TBC1D23: variants seen among roughly 807,000 people sequenced by gnomAD.
TBC1D23 encodes the protein TBC1 domain family member 23.
Under a neutral mutation model 91.4 loss-of-function variants are expected in TBC1D23, and 55 were observed. The observed-to-expected ratio is 0.60, with a 90% CI of 0.48 to 0.75. The LOEUF (loss-of-function observed/expected upper bound fraction) is 0.75, where lower values mean the gene tolerates loss of function less well. Ranked by LOEUF, TBC1D23 falls within the 30% of genes least tolerant of loss-of-function variation. The pLI is 0.00. For missense variants in TBC1D23, 725 were observed against 836.1 expected (o/e 0.87, Z 1.64); for synonymous variants, 289 against 281.0 (o/e 1.03, Z -0.28).
intron 2 of TBC1D23, among the ~76,000 whole-genome samples, chr3:100,280,847 G>A (rs2067687932): frequency 6.6e-6 from 1 of 152,138 alleles, no homozygotes; most frequent in Non-Finnish European, 1.5e-5. Flanking sequence ...CATACTAAAA[G>A]TCTGAAACGT....
Position 100,323,692 on chromosome 3 carries a change from GAAATT to G in TBC1D23, c.*27_*31del, listed in dbSNP as rs1559818778. On this transcript the variant is annotated 3_prime_UTR_variant, in exon 19 of 19. Transcript: ENST00000394144. ...AATATAAAAGAAAATTATATAAAAAGAAATTAAGACAACCAAGAGAAACATGGACA... is the reference window on the plus strand; with the variant it reads ...AATATAAAAGAAAATTATATAAAAAGAAGACAACCAAGAGAAACATGGACA... 2 of 1,289,140 alleles carry G rather than the reference GAAATT, an allele frequency of 1.6e-6. No homozygotes were observed. The highest frequency in any genetic ancestry group is 1.5e-5 in the African/African-American group (1 of 65,144). 79.9% of individuals were successfully genotyped at this position (1,289,140 alleles called of 1,614,324 possible).
rs186966358 is a variant in TBC1D23, at chr3:100,294,995, A to G, written c.601-92A>G. 1,067 of 1,248,622 alleles carry G rather than the reference A, an allele frequency of 8.5e-4. 5 individuals are homozygous for G. Among genetic ancestry groups the G allele is most frequent in the South Asian group, 5.2e-3 (310 of 60,120 alleles). The allele number at this position is 1,248,622 out of a possible 1,614,324, so 77.3% of individuals were successfully genotyped here. On this transcript the variant is annotated intron_variant, in intron 5 of 18. Coordinates refer to ENST00000394144, the MANE Select transcript of TBC1D23 (RefSeq NM_001199198.3). ...TTAAATATCAGGTGCAGATAATTTGATATAATGTTTCTTATTCATTTGCTT... is the reference window on the plus strand; with the variant it reads ...TTAAATATCAGGTGCAGATAATTTGGTATAATGTTTCTTATTCATTTGCTT...
chr3:100,306,253 G>A (rs1265644435), intron 12 of TBC1D23, among the ~76,000 whole-genome samples, 184 bp from the exon 13 acceptor site: 3 of 152,166 alleles, frequency 2.0e-5, no homozygotes, highest in Non-Finnish European at 2.9e-5. Flanking sequence ...AGGAAGAATA[G>A]GAAGGTTTGC....
intron 9 of TBC1D23, among the ~76,000 whole-genome samples, chr3:100,298,764 C>T (rs1158267806): frequency 6.6e-6 from 1 of 152,120 alleles, no homozygotes; most frequent in African/African-American, 2.4e-5. Flanking sequence ...TAAAGAGATC[C>T]ATGTGAACTT....
At chr3:100,321,828 TG>T (rs1705862937) in intron 18 of TBC1D23, among the ~76,000 whole-genome samples, 1 of 111,218 alleles carries the variant, frequency 9.0e-6, no homozygotes, top group Non-Finnish European at 2.1e-5. Context: ...ATACCTGATT[TG>T]TAAAAAAAAA....
At chr3:100,300,121 C>T (rs1705397164) in intron 10 of TBC1D23, among the ~76,000 whole-genome samples, 1 of 152,160 alleles carries the variant, frequency 6.6e-6, no homozygotes, top group East Asian at 1.9e-4. Context: ...TATCCTAGGT[C>T]ATTTAATTTG....
At chr3:100,319,589 C>T (rs911480157) in intron 17 of TBC1D23, among the ~76,000 whole-genome samples, 3 of 151,980 alleles carry the variant, frequency 2.0e-5, no homozygotes, top group African/African-American at 7.3e-5. Context: ...CCACCACCCC[C>T]GGCTAATTTT....
chr3:100,265,585 T>C (rs1416045571), intron 1 of TBC1D23, among the ~76,000 whole-genome samples: 1 of 152,222 alleles, frequency 6.6e-6, no homozygotes, highest in Admixed American at 6.5e-5. Flanking sequence ...TTTGAACATA[T>C]GTTCTCATTT....
chr3:100,316,021 A>T (rs370388833), intron 15 of TBC1D23, 78 bp from the exon 16 acceptor site: 2 of 1,164,398 alleles, frequency 1.7e-6, no homozygotes, highest in Non-Finnish European at 1.3e-6. Context: ...TTTTGTGTGA[A>T]TATTCAAATG....
At chr3:100,291,849 C>A (rs2067794192) in intron 5 of TBC1D23, among the ~76,000 whole-genome samples, 1 of 143,096 alleles carries the variant, frequency 7.0e-6, no homozygotes, top group Admixed American at 7.3e-5. Flanking sequence ...GGCTGGAGTG[C>A]CGTGGCTCCC....
intron 1 of TBC1D23, among the ~76,000 whole-genome samples, chr3:100,278,806 A>G (rs543256024): frequency 6.6e-5 from 10 of 152,348 alleles, no homozygotes; most frequent in South Asian, 2.1e-4. Flanking sequence ...CTCCTTAAAC[A>G]TCGTAGACTG....
chr3:100,274,344 C>G (rs912239675), intron 1 of TBC1D23, among the ~76,000 whole-genome samples: 4 of 152,036 alleles, frequency 2.6e-5, no homozygotes, highest in Non-Finnish European at 4.4e-5. Flanking sequence ...AAAATTGAAA[C>G]CCAGGTCTGA....
At chr3:100,289,294 T>C (rs2067770021) in intron 4 of TBC1D23, among the ~76,000 whole-genome samples, 1 of 152,144 alleles carries the variant, frequency 6.6e-6, no homozygotes, top group Admixed American at 6.5e-5. Context: ...AAATATCTGG[T>C]ATCTTTTAAG....
chr3:100,317,594 A>G (rs1318460686), intron 16 of TBC1D23, among the ~76,000 whole-genome samples: 1 of 152,302 alleles, frequency 6.6e-6, no homozygotes, highest in East Asian at 1.9e-4. Flanking sequence ...ATTTTAATAG[A>G]TACATGAAAT....
chr3:100,273,413 G>A (rs2067617899), intron 1 of TBC1D23, among the ~76,000 whole-genome samples: 1 of 152,156 alleles, frequency 6.6e-6, no homozygotes, highest in Non-Finnish European at 1.5e-5. Context: ...CACAGACACA[G>A]TAACAATCTG....
Position 100,261,024 on chromosome 3 carries a change from G to A in TBC1D23, c.6G>A (p.Ala2=), listed in dbSNP as rs2067504673. The A allele has an allele frequency of 1.6e-5, 26 of 1,613,828 alleles. No homozygotes were observed. The highest frequency in any genetic ancestry group is 2.2e-5 in the Non-Finnish European group (26 of 1,179,864). The change falls in exon 1 of 19, where the codon GCG becomes GCA. Residue 2 remains alanine, a synonymous_variant. Transcript: ENST00000394144. The stretch of plus-strand genomic sequence containing the variant: ...TGACGTGGACGTCAACAGCAATGGC[G>A]GAAGGAGAAGATGTGCCGCCGCTGC... M[A]EGEDVPPLPT...
rs568513656 is a variant in TBC1D23 at position 100,304,480 on chromosome 3, A to G, written c.1264-366A>G. 1.2e-4 allele frequency among the ~76,000 whole-genome samples: 18 copies of G among 152,134 alleles called. No homozygotes were observed. The East Asian group carries it at 3.5e-3, about 29-fold the overall frequency. Reference sequence around the variant, plus strand: ...TAGCTGTAATGTTTCTTTTTATATTATCTTTTAATAAAGGACCCAAAATAT... The same window carrying G: ...TAGCTGTAATGTTTCTTTTTATATTGTCTTTTAATAAAGGACCCAAAATAT... On this transcript the variant is annotated intron_variant, in intron 11 of 18. Transcript: ENST00000394144.
intron 1 of TBC1D23, among the ~76,000 whole-genome samples, chr3:100,265,768 G>A (rs950223754): frequency 1.3e-5 from 2 of 152,044 alleles, no homozygotes; most frequent in Non-Finnish European, 2.9e-5. Flanking sequence ...CCTTTCTTAA[G>A]TTATTGCTAA....
intron 13 of TBC1D23, among the ~76,000 whole-genome samples, chr3:100,307,199 G>C (rs1353899808): frequency 6.6e-6 from 1 of 152,100 alleles, no homozygotes; most frequent in East Asian, 1.9e-4. Flanking sequence ...TGCTTTTCCA[G>C]TACTTCAATA....
Sources: gnomAD v4.1 joint callset for allele counts (sites outside exome capture counted in the v4.1 genomes callset) on GRCh38, gnomAD v4.1.1 for gene constraint, MANE v1.5 for transcripts, NCBI Gene and HGNC (gene_info 2026-07-23, HGNC 2026-07-21) for gene names.